The following ZDHHC17 variants were observed in gnomAD, a reference collection of about 807,000 sequenced individuals.
ZDHHC17 encodes the protein zDHHC palmitoyltransferase 17.
ZDHHC17 carries 40 observed loss-of-function variants against 90.3 expected under a neutral mutation model. That is an observed-to-expected ratio of 0.44 (90% CI 0.34 to 0.58). The LOEUF (loss-of-function observed/expected upper bound fraction) is 0.58. Among genes scored for constraint, ZDHHC17 ranks in the 20% least tolerant of loss-of-function variants. The pLI is 0.01. For synonymous variants in ZDHHC17, 235 were observed against 252.4 expected (o/e 0.93, Z 0.65); for missense variants, 614 against 780.8 (o/e 0.79, Z 2.55).
chr12:76,830,977 G>A (rs1444701162), intron 10 of ZDHHC17, among the ~76,000 whole-genome samples: 1 of 152,118 alleles, frequency 6.6e-6, no homozygotes, highest in African/African-American at 2.4e-5. Flanking sequence ...TTGAAGGAAA[G>A]ACCAGAACAA....
chr12:76,788,688 A>ATTTTTTTTTTTTTTTTTTTT (rs763269507), intron 1 of ZDHHC17, among the ~76,000 whole-genome samples: 22 of 98,648 alleles, frequency 2.2e-4, no homozygotes, highest in East Asian at 3.6e-4. Flanking sequence ...TGGAATCGCA[A>ATTTTTTTTTTTTTTTTTTTT]TTTTTTTTTT....
intron 8 of ZDHHC17, among the ~76,000 whole-genome samples, chr12:76,823,782 T>C (rs1953194582): frequency 6.6e-6 from 1 of 152,220 alleles, no homozygotes. Flanking sequence ...GTCCGTTACT[T>C]AGAAGAATTA....
Position 76,809,840 on chromosome 12 carries a change from C to G in ZDHHC17, c.526C>G (p.Leu176Val). 4 of 1,610,796 alleles carry G rather than the reference C, an allele frequency of 2.5e-6. No individual in the cohort carries two copies. The highest frequency in any genetic ancestry group is 3.4e-6 in the Non-Finnish European group (4 of 1,178,450). The change falls in exon 5 of 17, where the codon CTC becomes GTC. Residue 176 changes from leucine to valine, a missense_variant. This residue lies in a region of ZDHHC17 where 358 missense variants were observed against 380.4 expected (regional missense o/e 0.94). Coordinates refer to ENST00000426126, the MANE Select transcript of ZDHHC17 (RefSeq NM_015336.4). ...CGGACATACCTCAATTGTTGCTTATCTCATAGCAAAAGGACAGGTAAAAAA... is the reference window on the plus strand; with the variant it reads ...CGGACATACCTCAATTGTTGCTTATGTCATAGCAAAAGGACAGGTAAAAAA... ...QFGHTSIVAY[L>V]IAKGQDVDMM...
intron 16 of ZDHHC17, among the ~76,000 whole-genome samples, chr12:76,850,044 T>G (rs1212017123): frequency 6.6e-6 from 1 of 152,084 alleles, no homozygotes; most frequent in Non-Finnish European, 1.5e-5. Flanking sequence ...CTCAGCCTCC[T>G]GAGTAGCTGG....
At chr12:76,782,153 A>G in intron 1 of ZDHHC17, among the ~76,000 whole-genome samples, 1 of 152,228 alleles carries the variant, frequency 6.6e-6, no homozygotes, top group East Asian at 1.9e-4. Flanking sequence ...TCAGCTCAAA[A>G]TGGAGTGCTA....
intron 1 of ZDHHC17, among the ~76,000 whole-genome samples, chr12:76,780,477 C>A (rs1281159274): frequency 1.3e-5 from 2 of 152,158 alleles, no homozygotes; most frequent in Non-Finnish European, 2.9e-5. Flanking sequence ...TCTCATCTTA[C>A]AAAACAAAAG....
chr12:76,802,649 A>G (rs1952905389), intron 2 of ZDHHC17, among the ~76,000 whole-genome samples: 1 of 152,106 alleles, frequency 6.6e-6, no homozygotes, highest in Non-Finnish European at 1.5e-5. Context: ...CACACTTGAT[A>G]GTAATTGCTA....
intron 2 of ZDHHC17, among the ~76,000 whole-genome samples, chr12:76,798,555 GAA>G (rs55858334): frequency 3.1e-5 from 4 of 130,088 alleles, no homozygotes; most frequent in Non-Finnish European, 5.0e-5. Flanking sequence ...TGCAAAAAAA[GAA>G]AAAAAAAAAA....
chr12:76,823,310 T>A (rs1259839990), intron 8 of ZDHHC17, among the ~76,000 whole-genome samples: 1 of 152,214 alleles, frequency 6.6e-6, no homozygotes, highest in African/African-American at 2.4e-5. Context: ...ATACCTTTTT[T>A]CAGAGAGCTT....
chr12:76,828,197 T>G (rs1483190109), intron 9 of ZDHHC17, among the ~76,000 whole-genome samples, 193 bp from the exon 10 acceptor site: 1 of 152,132 alleles, frequency 6.6e-6, no homozygotes, highest in Non-Finnish European at 1.5e-5. Context: ...TAAAAGGAAC[T>G]TCAGAATCTT....
rs1406393503 is a variant in ZDHHC17 at position 76,766,436 on chromosome 12, C to CT, written c.93+2108dup. Among the ~76,000 whole-genome samples, 4 of 152,284 alleles carry CT rather than the reference C, an allele frequency of 2.6e-5. No individual in the cohort carries two copies. The East Asian group carries it at 7.7e-4, about 29-fold the overall frequency. Reference sequence around the variant, plus strand: ...CAAGCTATGAATACGTCTCTGAGTTCTAGTTTCATCATTTATAATGGATAA... The same window carrying CT: ...CAAGCTATGAATACGTCTCTGAGTTCTTAGTTTCATCATTTATAATGGATAA... On this transcript the variant is annotated intron_variant, in intron 1 of 16. Transcript: ENST00000426126.
chr12:76,836,339 GTA>G (rs10532028), intron 10 of ZDHHC17, among the ~76,000 whole-genome samples: 91,873 of 150,734 alleles, frequency 0.61, 27,995 homozygotes, highest in East Asian at 0.67. Context: ...TGACTCAATT[GTA>G]TATATATATA....
intron 1 of ZDHHC17, among the ~76,000 whole-genome samples, chr12:76,767,098 T>C (rs1179143922): frequency 1.3e-5 from 2 of 151,970 alleles, no homozygotes; most frequent in Non-Finnish European, 2.9e-5. Context: ...AGTGAGGCTA[T>C]ATGTTGAGGG....
intron 10 of ZDHHC17, 73 bp from the exon 11 acceptor site, chr12:76,841,909 T>G (rs1327873335): frequency 8.5e-7 from 1 of 1,180,440 alleles, no homozygotes; most frequent in Admixed American, 4.1e-5. Context: ...TTGTAAAATT[T>G]TATAGATTAT....
intron 5 of ZDHHC17, among the ~76,000 whole-genome samples, chr12:76,811,144 G>A (rs552549110): frequency 7.2e-6 from 1 of 138,888 alleles, no homozygotes; most frequent in Admixed American, 7.6e-5. Context: ...ATCAGTTAAA[G>A]TGAGTTAACA....
chr12:76,804,123 T>A (rs182137679), intron 2 of ZDHHC17, among the ~76,000 whole-genome samples: 3 of 152,334 alleles, frequency 2.0e-5, no homozygotes, highest in Admixed American at 2.0e-4. Flanking sequence ...ATGACCCATT[T>A]ACAGGTTGGC....
chr12:76,842,883 C>T (rs1953452386), intron 11 of ZDHHC17, 36 bp from the exon 12 acceptor site: 3 of 1,504,078 alleles, frequency 2.0e-6, no homozygotes, highest in South Asian at 2.4e-5. Flanking sequence ...GAGCATTGTT[C>T]AGTTTTGAAT....
intron 1 of ZDHHC17, among the ~76,000 whole-genome samples, chr12:76,780,994 C>T (rs1449709743): frequency 8.6e-5 from 13 of 151,732 alleles, no homozygotes; most frequent in South Asian, 2.1e-4. Flanking sequence ...ATTACCCGGG[C>T]GTGGTAGCAG....
chr12:76,806,713 G>A (rs1442486740), intron 3 of ZDHHC17, among the ~76,000 whole-genome samples: 1 of 151,964 alleles, frequency 6.6e-6, no homozygotes, highest in African/African-American at 2.4e-5. Context: ...GGGTTTCGCC[G>A]TGTTTCCCAG....
Sources: allele counts gnomAD v4.1 joint callset (sites outside exome capture counted in the v4.1 genomes callset), GRCh38; gene constraint gnomAD v4.1.1; regional missense constraint gnomAD v4.1.1; transcripts MANE v1.5; gene names NCBI Gene and HGNC (gene_info 2026-07-23, HGNC 2026-07-21).